The following ARHGEF28 variants were observed in gnomAD, a reference collection of about 807,000 sequenced individuals.
ARHGEF28 encodes 190 kDa guanine nucleotide exchange factor.
A neutral mutation model predicts 206.6 loss-of-function variants in ARHGEF28; 152 were observed. The observed-to-expected ratio is 0.74, with a 90% CI of 0.64 to 0.84. The LOEUF is 0.84. ARHGEF28 is among the 40% of genes least tolerant of loss of function. The pLI, the probability that ARHGEF28 is intolerant of heterozygous loss-of-function variation, is 0.00. For missense variants in ARHGEF28, 2,028 were observed against 2,073.2 expected, an observed-to-expected ratio of 0.98 and a Z score of 0.42; for synonymous variants, 763 against 776.4, an observed-to-expected ratio of 0.98 and a Z score of 0.29.
At chr5:73,641,403 GCTT>G (rs1561302872) in intron 1 of ARHGEF28, among the ~76,000 whole-genome samples, 11,137 of 145,532 alleles carry the variant, frequency 0.077, 1,380 homozygotes, top group African/African-American at 0.27. Context: ...CAGGGGAAAG[GCTT>G]TTTTTTTTTT....
intron 9 of ARHGEF28, among the ~76,000 whole-genome samples, chr5:73,821,259 A>G (rs1049296428): frequency 1.3e-5 from 2 of 152,134 alleles, no homozygotes; most frequent in African/African-American, 4.8e-5. Context: ...TCATTCAGCC[A>G]TTCTTCCGTT....
intron 1 of ARHGEF28, among the ~76,000 whole-genome samples, chr5:73,657,172 CAAAA>C (rs76970237): frequency 4.2e-5 from 4 of 94,546 alleles, no homozygotes; most frequent in Non-Finnish European, 2.0e-5. Flanking sequence ...GACTCCGTCC[CAAAA>C]AAAAAAAAAA....
chr5:73,701,618 C>T (rs566203376), intron 2 of ARHGEF28, among the ~76,000 whole-genome samples: 3 of 152,144 alleles, frequency 2.0e-5, no homozygotes, highest in Admixed American at 2.0e-4. Flanking sequence ...TCCCCTCCCC[C>T]CACCATTCCT....
chr5:73,878,077 C>G (rs1368867803), intron 22 of ARHGEF28, among the ~76,000 whole-genome samples: 1 of 152,110 alleles, frequency 6.6e-6, no homozygotes, highest in Non-Finnish European at 1.5e-5. Flanking sequence ...TTGTAGGTCA[C>G]TCAAGACTTG....
chr5:73,774,792 C>A (rs1753452425), intron 5 of ARHGEF28, among the ~76,000 whole-genome samples: 2 of 151,920 alleles, frequency 1.3e-5, no homozygotes, highest in Non-Finnish European at 2.9e-5. Context: ...TGGTAAAAAA[C>A]CAAAGTATAA....
chr5:73,767,495 C>T (rs145631340), intron 4 of ARHGEF28, among the ~76,000 whole-genome samples: 150 of 152,110 alleles, frequency 9.9e-4, no homozygotes, highest in African/African-American at 3.3e-3. Flanking sequence ...AGAACTGGAG[C>T]GAAGGTTACG....
rs137995144 is a variant in ARHGEF28, at chr5:73,815,992, C to T, written c.1025-16346C>T. Among the ~76,000 whole-genome samples, 783 of 152,206 alleles carry T rather than the reference C, an allele frequency of 5.1e-3. 11 individuals carry two copies. Among genetic ancestry groups the T allele is most frequent in the African/African-American group, 0.018 (727 of 41,512 alleles). On this transcript the variant is annotated intron_variant, in intron 9 of 35. Transcript: ENST00000513042. Reference sequence around the variant, plus strand: ...GAGCGGGTTTGGTCATGCTGTAATGCGAGCTGGACAGAGTCCCAGCATCAC... The same window carrying T: ...GAGCGGGTTTGGTCATGCTGTAATGTGAGCTGGACAGAGTCCCAGCATCAC...
In ARHGEF28 at chr5:73,880,566, C is replaced by A. The variant is rs1760856411; in HGVS notation, c.2815-1906C>A. 2.0e-5 allele frequency among the ~76,000 whole-genome samples: 3 copies of A among 152,206 alleles called. No homozygotes were observed. In the South Asian group the frequency reaches 6.2e-4, roughly 31 times the overall value. On this transcript the variant is annotated intron_variant, in intron 22 of 35. Coordinates refer to ENST00000513042, the MANE Select transcript of ARHGEF28 (RefSeq NM_001177693.2). ...ACCGGAGCTGTTCCTATTCGGCCAT[C>A]TTGTAGTTTCAAGTTTAAGGATTCT... is the stretch of plus-strand genomic sequence containing the variant.
intron 35 of ARHGEF28, among the ~76,000 whole-genome samples, chr5:73,934,209 G>T (rs947065239): frequency 6.6e-6 from 1 of 152,106 alleles, no homozygotes; most frequent in East Asian, 1.9e-4. Flanking sequence ...TTCCCATCGC[G>T]TCATTTGAAA....
intron 4 of ARHGEF28, among the ~76,000 whole-genome samples, chr5:73,767,979 C>A (rs1752996824): frequency 6.6e-6 from 1 of 152,156 alleles, no homozygotes; most frequent in Admixed American, 6.5e-5. Flanking sequence ...CTGAAAGGAA[C>A]CAACACAGAA....
At chr5:73,901,076 G>T (rs747171001) in intron 30 of ARHGEF28, 108 bp from the exon 31 acceptor site, 1 of 795,094 alleles carries the variant, frequency 1.3e-6, no homozygotes, top group Non-Finnish European at 2.1e-6. Flanking sequence ...ATTATTTTGT[G>T]GTGTTTCCTA....
At chr5:73,820,809 T>C (rs1302135711) in intron 9 of ARHGEF28, among the ~76,000 whole-genome samples, 1 of 152,162 alleles carries the variant, frequency 6.6e-6, no homozygotes, top group Non-Finnish European at 1.5e-5. Context: ...ATTCTCACCA[T>C]GCAGGCACCT....
Position 73,909,839 on chromosome 5 carries a change from A to G in ARHGEF28, c.4589A>G (p.His1530Arg). The change falls in exon 34 of 36, where the codon CAC becomes CGC. Residue 1530 changes from histidine to arginine, a missense_variant. Transcript: ENST00000513042. ...CGGGCCCAGCAGAGCCTGCTGGGCC[A>G]CTGGAAGCACGGCCGGCAGAGGAGC... ...RMRAQQSLLG[H>R]WKHGRQRSLP... 1 of 1,540,520 alleles carries G rather than the reference A, an allele frequency of 6.5e-7. No individual in the cohort carries two copies. The highest frequency in any genetic ancestry group is 8.7e-7 in the Non-Finnish European group (1 of 1,155,630).
intron 35 of ARHGEF28, among the ~76,000 whole-genome samples, chr5:73,932,750 C>T (rs1215020585): frequency 1.4e-5 from 2 of 145,618 alleles, no homozygotes; most frequent in African/African-American, 2.5e-5. Context: ...TATGACCTGA[C>T]ATTTACTTCG....
At chr5:73,883,338 A>T (rs1761071445) in intron 23 of ARHGEF28, among the ~76,000 whole-genome samples, 1 of 152,304 alleles carries the variant, frequency 6.6e-6, no homozygotes, top group South Asian at 2.1e-4. Context: ...ATTTTTAGAA[A>T]AAAAGTTGTC....
chr5:73,801,458 A>T (rs1755130761), intron 9 of ARHGEF28, among the ~76,000 whole-genome samples: 1 of 152,184 alleles, frequency 6.6e-6, no homozygotes, highest in African/African-American at 2.4e-5. Context: ...AAAAATAAAA[A>T]AAATAAAAAA....
At chr5:73,813,594 T>G (rs1451390640) in intron 9 of ARHGEF28, 2 of 1,535,632 alleles carry the variant, frequency 1.3e-6, no homozygotes, top group Non-Finnish European at 1.7e-6. Context: ...AAAAGATGGA[T>G]TCTGACTCCG....
At position 73,849,102 on chromosome 5, in the gene ARHGEF28, A is replaced by G; in HGVS notation, c.1747+15A>G. 1 of 1,520,446 alleles carries G rather than the reference A, an allele frequency of 6.6e-7. No individual in the cohort carries two copies. The highest frequency in any genetic ancestry group is 9.0e-7 in the Non-Finnish European group (1 of 1,116,970). 94.2% of individuals were successfully genotyped at this position (1,520,446 alleles called of 1,614,324 possible). A position where few individuals can be genotyped will look rare whatever the true frequency, so the allele number is the denominator to read the frequency against. On this transcript the variant is annotated intron_variant, in intron 13 of 35. Transcript: ENST00000513042. ...TTCAAGTGAAGGTAAGCATCATTTA[A>G]CATTTGGCTTTGAAAACACTCTATT...
intron 9 of ARHGEF28, among the ~76,000 whole-genome samples, chr5:73,820,418 A>G (rs894445912): frequency 6.9e-6 from 1 of 144,402 alleles, no homozygotes; most frequent in African/African-American, 2.6e-5. Context: ...GAAAGTCCCA[A>G]TCCTTCAATC....
Sources: allele counts gnomAD v4.1 joint callset (sites outside exome capture counted in the v4.1 genomes callset), GRCh38; gene constraint gnomAD v4.1.1; transcripts MANE v1.5; gene names NCBI Gene and HGNC (gene_info 2026-07-23, HGNC 2026-07-21).